HHIPL1: variants seen among roughly 807,000 people sequenced by gnomAD.
The protein encoded by HHIPL1 is HHIP like 1, also known as HHIP-like protein 1.
HHIPL1 carries 43 observed loss-of-function variants against 61.8 expected under a neutral mutation model. The ratio of observed to expected loss-of-function variants is 0.70; its 90% CI spans 0.55 to 0.90. The LOEUF (loss-of-function observed/expected upper bound fraction) is 0.90, where lower values mean the gene tolerates loss of function less well. Ranked by LOEUF, HHIPL1 falls within the 40% of genes least tolerant of loss-of-function variation. The pLI is 0.00. For synonymous variants in HHIPL1, 482 were observed against 515.8 expected (o/e 0.93, Z 0.89); for missense variants, 1,056 against 1,157.7 (o/e 0.91, Z 1.28).
Position 99,674,478 on chromosome 14 carries a change from G to A in HHIPL1, c.1814-613G>A, listed in dbSNP as rs112050731. Among the ~76,000 whole-genome samples the A allele has an allele frequency of 7.6e-3, 1,161 of 152,178 alleles. 12 individuals carry two copies. The highest frequency in any genetic ancestry group is 0.022 in the African/African-American group (923 of 41,520). On this transcript the variant is annotated intron_variant, in intron 8 of 8. Coordinates refer to ENST00000330710, the MANE Select transcript of HHIPL1 (RefSeq NM_001127258.3). ...CAGACACAACCAGAGTTCCCCCATC[G>A]TACCCGCTGTGACAACCCGCTGGTG...
intron 3 of HHIPL1, 61 bp downstream of exon 3, chr14:99,657,204 C>T: frequency 6.4e-7 from 1 of 1,569,142 alleles, no homozygotes; most frequent in Non-Finnish European, 8.7e-7. Context: ...TTCTCATACT[C>T]TTCCAGAGGG....
At chr14:99,656,832 AAAGAAAGGAAGGAAGG>A (rs1232892261) in intron 2 of HHIPL1, among the ~76,000 whole-genome samples, 152 bp from the exon 3 acceptor site, 3 of 8,604 alleles carry the variant, frequency 3.5e-4, no homozygotes, top group African/African-American at 4.7e-4. Context: ...AGAAAGAAAG[AAAGAAAGGAAGGAAGG>A]AAGGAAGGAA....
At chr14:99,658,145 G>A (rs989991729) in intron 3 of HHIPL1, among the ~76,000 whole-genome samples, 4 of 152,212 alleles carry the variant, frequency 2.6e-5, no homozygotes, top group African/African-American at 4.8e-5. Flanking sequence ...GTCCTTTCAC[G>A]TGTGACAGTG....
At position 99,645,166 on chromosome 14, in the gene HHIPL1, G is replaced by C; in HGVS notation, c.-42G>C. On this transcript the variant is annotated 5_prime_UTR_variant, in exon 1 of 9. Coordinates refer to ENST00000330710, the MANE Select transcript of HHIPL1 (RefSeq NM_001127258.3). Reference sequence around the variant, plus strand: ...GCCGCGAGCGCCCCGGGAGGGGACCGGGGCTGCCGTCCCTCCGCCTCTTCC... The same window carrying C: ...GCCGCGAGCGCCCCGGGAGGGGACCCGGGCTGCCGTCCCTCCGCCTCTTCC... The C allele has an allele frequency of 1.6e-6, 2 of 1,253,308 alleles. No individual in the cohort carries two copies. Among genetic ancestry groups the C allele is most frequent in the African/African-American group, 1.6e-5 (1 of 64,198 alleles). The allele number at this position is 1,253,308 out of a possible 1,614,324, so 77.6% of individuals were successfully genotyped here. A position where few individuals can be genotyped will look rare whatever the true frequency, so the allele number is the denominator to read the frequency against.
chr14:99,620,386 G>T, the HHIPL1 span, among the ~76,000 whole-genome samples: 1 of 152,224 alleles, frequency 6.6e-6, no homozygotes, highest in African/African-American at 2.4e-5. Flanking sequence ...GGGTCCAGGA[G>T]CCCCTGCCCT....
the HHIPL1 span, among the ~76,000 whole-genome samples, chr14:99,612,288 G>T: frequency 2.2e-3 from 340 of 152,214 alleles, 3 homozygotes; most frequent in Middle Eastern, 3.4e-3. Context: ...ACCTGGTCCC[G>T]CCCTTGACAC....
At chr14:99,671,031 T>A (rs2056321622) in intron 7 of HHIPL1, among the ~76,000 whole-genome samples, 1 of 152,040 alleles carries the variant, frequency 6.6e-6, no homozygotes, top group Admixed American at 6.6e-5. Flanking sequence ...ACTTAAGGAG[T>A]TCTCTCGCTC....
chr14:99,660,476 G>A lies in HHIPL1; in HGVS notation c.1502+70G>A, dbSNP rs1261793915. 3.2e-6 allele frequency: 5 copies of A among 1,554,262 alleles called. No homozygotes were observed. The African/African-American group carries it at 4.1e-5, about 13-fold the overall frequency. On this transcript the variant is annotated intron_variant, in intron 5 of 8. Transcript: ENST00000330710. The surrounding 1 kb of genome is among the most constrained non-coding windows in gnomAD (Gnocchi z 4.9). ...TCCTTGGGACTGGCTCCTTGGTAAA[G>A]GGGAGTGTATGTGTGCGCCCGTTCC...
At chr14:99,631,616 C>T in the HHIPL1 span, among the ~76,000 whole-genome samples, 22 of 152,256 alleles carry the variant, frequency 1.4e-4, 1 homozygote, top group African/African-American at 5.3e-4. Context: ...TATAGGGACC[C>T]TCTGTGACTT....
rs527790884 is a variant in HHIPL1 at position 99,663,153 on chromosome 14, C to T, written c.1648+132C>T. On this transcript the variant is annotated intron_variant, in intron 6 of 8. Transcript: ENST00000330710. ...GAAATTAGTTCCCACCTGGGATGTT[C>T]CCTGGCTCCAGACGTGCATGTGCCT... The T allele has an allele frequency of 2.4e-4, 198 of 822,104 alleles. No homozygotes were observed. In the African/African-American group the frequency reaches 2.5e-3, roughly 10 times the overall value. The allele number at this position is 822,104 out of a possible 1,614,324, so 50.9% of individuals were successfully genotyped here. A position where few individuals can be genotyped will look rare whatever the true frequency, so the allele number is the denominator to read the frequency against.
chr14:99,630,296 A>G, the HHIPL1 span, among the ~76,000 whole-genome samples: 4 of 152,218 alleles, frequency 2.6e-5, no homozygotes, highest in Admixed American at 2.0e-4. Context: ...ATAACAAGGG[A>G]GAGGAAGCCC....
At chr14:99,630,905 C>T in the HHIPL1 span, among the ~76,000 whole-genome samples, 3 of 152,186 alleles carry the variant, frequency 2.0e-5, no homozygotes, top group African/African-American at 7.2e-5. Context: ...ATCACTGGAT[C>T]TCCGCTTTCC....
the HHIPL1 span, among the ~76,000 whole-genome samples, chr14:99,615,818 T>C: frequency 6.6e-6 from 1 of 152,058 alleles, no homozygotes; most frequent in South Asian, 2.1e-4. Context: ...AGCGCAGATT[T>C]GAAAAGGAGG....
intron 2 of HHIPL1, 120 bp from the exon 3 acceptor site, chr14:99,656,880 G>A (rs60599421): frequency 0.47 from 5,291 of 11,300 alleles, 1,024 homozygotes; most frequent in Middle Eastern, 0.55. Flanking sequence ...AGGAAGGAAG[G>A]AAGGAAGGAA....
intron 1 of HHIPL1, among the ~76,000 whole-genome samples, chr14:99,651,822 C>T (rs527605444): frequency 3.7e-4 from 56 of 152,128 alleles, no homozygotes; most frequent in African/African-American, 1.2e-3. Flanking sequence ...AGGGTGCGGA[C>T]GGGGTGGTCA....
In HHIPL1 at chr14:99,672,283, G is replaced by T. The variant is rs760322070; in HGVS notation, c.1731-34G>T. 30 of 1,542,384 alleles carry T rather than the reference G, an allele frequency of 1.9e-5. No homozygotes were observed. In the African/African-American group the frequency reaches 4.1e-4, roughly 21 times the overall value. ...GGCACCCTCAGGGTGGGCTCCCAGG[G>T]TGAGACTCATAACCTCCTGTGTGTC... is the stretch of plus-strand genomic sequence containing the variant. On this transcript the variant is annotated intron_variant, in intron 7 of 8. Coordinates refer to ENST00000330710, the MANE Select transcript of HHIPL1 (RefSeq NM_001127258.3).
chr14:99,625,349 T>A, the HHIPL1 span: 1 of 152,292 alleles, frequency 6.6e-6, no homozygotes, highest in East Asian at 1.9e-4. Context: ...TGCAATCAGG[T>A]CTGCCTGGCA....
chr14:99,658,173 T>G (rs1207134542), intron 3 of HHIPL1, among the ~76,000 whole-genome samples: 1 of 152,226 alleles, frequency 6.6e-6, no homozygotes, highest in Admixed American at 6.5e-5. Context: ...CATCCCAGCT[T>G]TCTCACGTTT....
the HHIPL1 span, among the ~76,000 whole-genome samples, chr14:99,637,619 A>G: frequency 1.3e-5 from 2 of 152,112 alleles, no homozygotes; most frequent in Non-Finnish European, 1.5e-5. Context: ...GACCATTTAT[A>G]GAAAGTTTAA....
Sources: allele counts gnomAD v4.1 joint callset (sites outside exome capture counted in the v4.1 genomes callset), GRCh38; gene constraint gnomAD v4.1.1; non-coding constraint Gnocchi (gnomAD v3.1); transcripts MANE v1.5; gene names NCBI Gene and HGNC (gene_info 2026-07-23, HGNC 2026-07-21).